Variants in CLPB observed in about 807,000 individuals in gnomAD.
The protein encoded by CLPB is mitochondrial disaggregase.
CLPB carries 40 observed loss-of-function variants against 78.4 expected under a neutral mutation model. The observed-to-expected ratio is 0.51, with a 90% CI of 0.40 to 0.66. CLPB has a LOEUF of 0.66. Ranked by LOEUF, CLPB falls within the 30% of genes least tolerant of loss-of-function variation. CLPB has a pLI of 0.00. For missense variants in CLPB, 780 were observed against 886.9 expected (o/e 0.88, Z 1.53); for synonymous variants, 333 against 348.0 (o/e 0.96, Z 0.48).
At chr11:72,317,027 C>G (rs1949955002) in intron 7 of CLPB, 79 bp downstream of exon 7, 2 of 876,474 alleles carry the variant, frequency 2.3e-6, no homozygotes, top group Non-Finnish European at 1.8e-6. Flanking sequence ...TTATTAACAG[C>G]GCCTATCCAG....
chr11:72,402,852 A>G (rs1016505159), intron 3 of CLPB, 114 bp downstream of exon 3: 12 of 782,096 alleles, frequency 1.5e-5, no homozygotes, highest in Non-Finnish European at 2.6e-5. Context: ...GTCTGAATCT[A>G]TCTTCCTGCC....
chr11:72,322,232 C>T (rs988813076), intron 6 of CLPB, among the ~76,000 whole-genome samples: 1 of 152,200 alleles, frequency 6.6e-6, no homozygotes, highest in Non-Finnish European at 1.5e-5. Context: ...CCATTCTCCT[C>T]TCTTCCAGTC....
At chr11:72,403,134 A>G (rs1002640760) in intron 2 of CLPB, 82 bp from the exon 3 acceptor site, 23 of 1,307,614 alleles carry the variant, frequency 1.8e-5, no homozygotes, top group Non-Finnish European at 1.1e-6. Flanking sequence ...AGACAGAGGA[A>G]TATTTTCAGT....
At chr11:72,390,047 A>T (rs1487076948) in intron 3 of CLPB, among the ~76,000 whole-genome samples, 1 of 152,192 alleles carries the variant, frequency 6.6e-6, no homozygotes, top group East Asian at 1.9e-4. Context: ...CAAGTATGTT[A>T]TATTGCCTTT....
chr11:72,298,840 C>T (rs1299290726), intron 11 of CLPB, among the ~76,000 whole-genome samples: 1 of 152,170 alleles, frequency 6.6e-6, no homozygotes, highest in Non-Finnish European at 1.5e-5. Context: ...TCTTGACTTC[C>T]CTGATAGGTC....
rs766350201 is a variant in CLPB, at chr11:72,372,995, T to G, written c.646+7286A>C. On this transcript the variant is annotated intron_variant, in intron 4 of 15. Transcript: ENST00000538039. ...TCCACTGGTTTGTGATGTGCCGGCT[T>G]GCACCGTCCTGTCCCCCATCTGAAG... 1.6e-5 allele frequency: 26 copies of G among 1,613,940 alleles called. No individual in the cohort carries two copies. The highest frequency in any genetic ancestry group is 1.8e-5 in the Non-Finnish European group (21 of 1,180,010).
intron 5 of CLPB, among the ~76,000 whole-genome samples, chr11:72,344,012 A>G (rs1950465770): frequency 6.6e-6 from 1 of 152,140 alleles, no homozygotes. Flanking sequence ...GGTCATGGGC[A>G]ATACTGCTCG....
rs934736856 is a variant in CLPB, at chr11:72,286,831, G to A, written c.*6536C>T. Reference sequence around the variant, plus strand: ...TGTGTGTGTGTGTGTGTGTGTGTGTGTAGTTATCTGAAATACTGGCAAACC... The same window carrying A: ...TGTGTGTGTGTGTGTGTGTGTGTGTATAGTTATCTGAAATACTGGCAAACC... On this transcript the variant is annotated 3_prime_UTR_variant, in exon 16 of 16. Coordinates refer to ENST00000538039, the MANE Select transcript of CLPB (RefSeq NM_001258392.3). 2.0e-5 allele frequency: 3 copies of A among 149,280 alleles called. No individual in the cohort carries two copies. The highest frequency in any genetic ancestry group is 7.6e-5 in the African/African-American group (3 of 39,702). The allele number at this position is 149,280 out of a possible 1,614,324, so 9.2% of individuals were successfully genotyped here.
At chr11:72,323,867 C>CT (rs1275331057) in intron 6 of CLPB, among the ~76,000 whole-genome samples, 1 of 151,876 alleles carries the variant, frequency 6.6e-6, no homozygotes, top group Non-Finnish European at 1.5e-5. Context: ...AAAATGTCAT[C>CT]TTTTTTTAGG....
At chr11:72,339,208 T>A (rs763194412) in intron 5 of CLPB, among the ~76,000 whole-genome samples, 1 of 152,094 alleles carries the variant, frequency 6.6e-6, no homozygotes, top group Non-Finnish European at 1.5e-5. Context: ...AAAGCAAATA[T>A]GATGCAAGTT....
At chr11:72,405,009 C>A (rs766484919) in intron 2 of CLPB, among the ~76,000 whole-genome samples, 1 of 152,132 alleles carries the variant, frequency 6.6e-6, no homozygotes, top group Non-Finnish European at 1.5e-5. Context: ...TGGTAGAGAG[C>A]GCATGGTTCT....
At chr11:72,309,681 CAT>C (rs1302102242) in intron 7 of CLPB, among the ~76,000 whole-genome samples, 1 of 152,048 alleles carries the variant, frequency 6.6e-6, no homozygotes, top group African/African-American at 2.4e-5. Flanking sequence ...AAAAAAGTAA[CAT>C]ATGGCTGCTC....
chr11:72,432,161 CT>C (rs1565106076), intron 1 of CLPB, among the ~76,000 whole-genome samples: 1 of 152,168 alleles, frequency 6.6e-6, no homozygotes, highest in Non-Finnish European at 1.5e-5. Flanking sequence ...GCTGGCTGCT[CT>C]GCTGGCCCCT....
rs79188065 is a variant in CLPB, at chr11:72,369,891, C to T, written c.646+10390G>A. 2.2e-4 allele frequency among the ~76,000 whole-genome samples: 33 copies of T among 152,224 alleles called. No individual in the cohort carries two copies. The East Asian group carries it at 5.6e-3, about 26-fold the overall frequency. ...AAGATGAATCTGAGATACTAGGGAG[C>T]AGTGCAGTAAAAAGATTAAAGTGTT... On this transcript the variant is annotated intron_variant, in intron 4 of 15. Transcript: ENST00000538039.
intron 11 of CLPB, among the ~76,000 whole-genome samples, chr11:72,299,800 G>A (rs1487618160): frequency 6.6e-6 from 1 of 152,180 alleles, no homozygotes; most frequent in Admixed American, 6.5e-5. Context: ...AACTATAGTA[G>A]GCTGGGGCTG....
chr11:72,377,696 A>AAGGGAAG (rs1565471861), intron 4 of CLPB, among the ~76,000 whole-genome samples: 43 of 137,852 alleles, frequency 3.1e-4, no homozygotes, highest in African/African-American at 1.3e-3. Flanking sequence ...GGGAAGGGAA[A>AAGGGAAG]GGGAAGGGGA....
chr11:72,330,017 AAC>A (rs755355928), intron 5 of CLPB, among the ~76,000 whole-genome samples: 41 of 152,346 alleles, frequency 2.7e-4, no homozygotes, highest in Non-Finnish European at 5.1e-4. Flanking sequence ...TACATACACA[AAC>A]ACACACAGTT....
intron 6 of CLPB, among the ~76,000 whole-genome samples, chr11:72,324,564 C>T (rs1950099271): frequency 6.7e-6 from 1 of 149,802 alleles, no homozygotes; most frequent in Non-Finnish European, 1.5e-5. Context: ...GACTTCATCT[C>T]AAAAAAAAGA....
chr11:72,434,216 T>A lies in CLPB; in HGVS notation c.259A>T (p.Thr87Ser), dbSNP rs960976552. 4.3e-6 allele frequency: 7 copies of A among 1,613,472 alleles called. No individual in the cohort carries two copies. The highest frequency in any genetic ancestry group is 1.1e-5 in the South Asian group (1 of 91,066). Residue 87 changes from threonine to serine, a missense_variant, in exon 1 of 16, where the codon ACT becomes TCT. By Grantham distance (58) the Thr-to-Ser change is moderately conservative. Transcript: ENST00000538039. Reference sequence around the variant, plus strand: ...TCGGGACCAGGAAGGCGTCCCCAAGTGGCAGCCGCGAGGCATTTGGTATCG... The same window carrying A: ...TCGGGACCAGGAAGGCGTCCCCAAGAGGCAGCCGCGAGGCATTTGGTATCG... ...RFDTKCLAAATWGRLPGPEET... is the reference protein window; with the variant it reads ...RFDTKCLAAASWGRLPGPEET...
Sources: gnomAD v4.1 joint callset for allele counts (sites outside exome capture counted in the v4.1 genomes callset) on GRCh38, gnomAD v4.1.1 for gene constraint, MANE v1.5 for transcripts, NCBI Gene and HGNC (gene_info 2026-07-23, HGNC 2026-07-21) for gene names.